The following DNAJC1 variants were observed in gnomAD, a reference collection of about 807,000 sequenced individuals.
DNAJC1 encodes the protein DnaJ heat shock protein family (Hsp40) member C1.
In DNAJC1, 58 loss-of-function variants were observed where a neutral mutation model predicts 76.6. The observed-to-expected ratio is 0.76, with a 90% confidence interval of 0.61 to 0.94. DNAJC1 has a LOEUF of 0.94. Among genes scored for constraint, DNAJC1 ranks in the 40% least tolerant of loss-of-function variants. The pLI is 0.00. For synonymous variants in DNAJC1, 258 were observed against 267.9 expected (o/e 0.96, Z 0.36); for missense variants, 689 against 677.3 (o/e 1.02, Z -0.19).
At chr10:21,980,840 A>G (rs905304821) in intron 1 of DNAJC1, among the ~76,000 whole-genome samples, 1 of 152,146 alleles carries the variant, frequency 6.6e-6, no homozygotes, top group Admixed American at 6.5e-5. Flanking sequence ...GTCAGTGATC[A>G]CATATTTCCT....
At chr10:21,938,176 A>G (rs1258990233) in intron 1 of DNAJC1, among the ~76,000 whole-genome samples, 3 of 152,236 alleles carry the variant, frequency 2.0e-5, no homozygotes, top group African/African-American at 7.2e-5. Flanking sequence ...TTTCTAATTT[A>G]AAACAACTGA....
At chr10:21,894,999 T>G (rs1836517552) in intron 7 of DNAJC1, among the ~76,000 whole-genome samples, 1 of 152,160 alleles carries the variant, frequency 6.6e-6, no homozygotes, top group South Asian at 2.1e-4. Context: ...AGAAATAAAT[T>G]TCTGTTGATC....
At chr10:21,953,415 A>T (rs1434746043) in intron 1 of DNAJC1, among the ~76,000 whole-genome samples, 1 of 152,044 alleles carries the variant, frequency 6.6e-6, no homozygotes, top group African/African-American at 2.4e-5. Flanking sequence ...ATAATGATTT[A>T]AAAATGTAAG....
At chr10:21,840,092 G>A (rs1835548534) in intron 8 of DNAJC1, among the ~76,000 whole-genome samples, 1 of 152,096 alleles carries the variant, frequency 6.6e-6, no homozygotes, top group African/African-American at 2.4e-5. Context: ...GGTATTGATG[G>A]GACGCATCTC....
intron 11 of DNAJC1, among the ~76,000 whole-genome samples, chr10:21,757,816 G>A (rs1834193768): frequency 6.6e-6 from 1 of 152,200 alleles, no homozygotes. Flanking sequence ...AAGGCTTGAG[G>A]GGAACACCCG....
chr10:21,789,271 AAT>A (rs938246600), intron 9 of DNAJC1, among the ~76,000 whole-genome samples: 28 of 152,230 alleles, frequency 1.8e-4, no homozygotes, highest in African/African-American at 6.5e-4. Context: ...ACTAATGTTG[AAT>A]ATAGATGAAA....
intron 10 of DNAJC1, among the ~76,000 whole-genome samples, chr10:21,761,530 G>A (rs1023725963): frequency 3.6e-5 from 5 of 139,854 alleles, no homozygotes; most frequent in East Asian, 2.1e-4. Context: ...CAGCCTGGGC[G>A]ACAGAGTGAG....
rs1401498729 is a variant in DNAJC1, at chr10:21,936,072, T to G, written c.223-6931A>C. ...AATGTTTGCATCCCTCCAAAACTCATGTGTTGAAATCTAATCCCCCATGTG... is the reference window on the plus strand; with the variant it reads ...AATGTTTGCATCCCTCCAAAACTCAGGTGTTGAAATCTAATCCCCCATGTG... On this transcript the variant is annotated intron_variant, in intron 1 of 11. Transcript: ENST00000376980. Among the ~76,000 whole-genome samples, 13 of 152,282 alleles carry G rather than the reference T, an allele frequency of 8.5e-5. No homozygotes were observed. The East Asian group carries it at 1.5e-3, about 18-fold the overall frequency.
intron 8 of DNAJC1, among the ~76,000 whole-genome samples, chr10:21,845,302 AATG>A (rs1289225895): frequency 2.0e-5 from 3 of 152,080 alleles, no homozygotes; most frequent in African/African-American, 7.2e-5. Flanking sequence ...GTAGTTAATA[AATG>A]GTACACTAAA....
chr10:21,878,408 T>G (rs959883934), intron 8 of DNAJC1, among the ~76,000 whole-genome samples: 1 of 152,216 alleles, frequency 6.6e-6, no homozygotes, highest in African/African-American at 2.4e-5. Context: ...GTGCTACAGT[T>G]GATTTTACAC....
At chr10:21,822,614 C>T (rs1289217217) in intron 8 of DNAJC1, among the ~76,000 whole-genome samples, 1 of 151,914 alleles carries the variant, frequency 6.6e-6, no homozygotes, top group Non-Finnish European at 1.5e-5. Context: ...AAGACCTTAA[C>T]AATTTTAGCC....
chr10:21,871,403 T>C (rs931096159), intron 8 of DNAJC1, among the ~76,000 whole-genome samples: 8 of 150,336 alleles, frequency 5.3e-5, no homozygotes, highest in African/African-American at 2.0e-4. Flanking sequence ...AAGGTAAAGA[T>C]GGAAAGAATT....
At chr10:21,965,259 C>T (rs1837873324) in intron 1 of DNAJC1, among the ~76,000 whole-genome samples, 1 of 152,110 alleles carries the variant, frequency 6.6e-6, no homozygotes, top group Admixed American at 6.5e-5. Context: ...AATCTGCTGT[C>T]TAGTCTATTT....
chr10:21,928,475 T>A (rs760961903), intron 3 of DNAJC1, 31 bp downstream of exon 3: 1 of 1,595,034 alleles, frequency 6.3e-7, no homozygotes, highest in East Asian at 2.2e-5. Context: ...AACTATAACA[T>A]CTTAATTCAA....
Position 21,843,392 on chromosome 10 carries a change from C to CTT in DNAJC1, c.979-37295_979-37294dup, listed in dbSNP as rs34760207. On this transcript the variant is annotated intron_variant, in intron 8 of 11. Transcript: ENST00000376980. ...TTAGTACATTTACTTAGAGGTTTCC[C>CTT]TTTTTTTTTTTTTTTTTTTGAGACA... 2.6e-3 allele frequency among the ~76,000 whole-genome samples: 348 copies of CTT among 134,428 alleles called. 3 individuals carry two copies. The highest frequency in any genetic ancestry group is 7.5e-3 in the African/African-American group (270 of 35,878). The allele number at this position is 134,428 out of a possible 152,430, so 88.2% of individuals were successfully genotyped here.
At chr10:21,894,684 C>A (rs981761900) in intron 7 of DNAJC1, among the ~76,000 whole-genome samples, 10 of 152,176 alleles carry the variant, frequency 6.6e-5, no homozygotes, top group African/African-American at 2.4e-4. Context: ...AAAGCTAATG[C>A]TATGAACGTT....
At chr10:21,891,711 G>A (rs1186139321) in intron 7 of DNAJC1, among the ~76,000 whole-genome samples, 2 of 152,096 alleles carry the variant, frequency 1.3e-5, no homozygotes, top group African/African-American at 4.8e-5. Flanking sequence ...TCAATATCCT[G>A]TGACAATATC....
chr10:21,915,443 T>G (rs1836936946), intron 6 of DNAJC1, among the ~76,000 whole-genome samples: 2 of 152,182 alleles, frequency 1.3e-5, no homozygotes, highest in Non-Finnish European at 2.9e-5. Flanking sequence ...AGTGTAAAGG[T>G]CACTTGCTGG....
intron 9 of DNAJC1, among the ~76,000 whole-genome samples, chr10:21,776,973 C>T (rs576446117): frequency 6.6e-6 from 1 of 152,240 alleles, no homozygotes; most frequent in East Asian, 1.9e-4. Flanking sequence ...TTTTAAATTG[C>T]ATTAACATGT....
Sources: gnomAD v4.1 joint callset for allele counts (sites outside exome capture counted in the v4.1 genomes callset) on GRCh38, gnomAD v4.1.1 for gene constraint, MANE v1.5 for transcripts, NCBI Gene and HGNC (gene_info 2026-07-23, HGNC 2026-07-21) for gene names.